Variants in CWF19L2 observed in about 807,000 individuals in gnomAD.
CWF19L2 encodes CWF19 like cell cycle control factor 2.
A neutral mutation model predicts 111.7 loss-of-function variants in CWF19L2; 98 were observed. The ratio of observed to expected loss-of-function variants is 0.88; its 90% CI spans 0.75 to 1.04. The LOEUF (loss-of-function observed/expected upper bound fraction) is 1.04, where lower values mean the gene tolerates loss of function less well. Ranked by LOEUF, CWF19L2 falls within the 50% of genes least tolerant of loss-of-function variation. CWF19L2 has a pLI of 0.00. For synonymous variants in CWF19L2, 351 were observed against 342.9 expected (o/e 1.02, Z -0.26); for missense variants, 1,101 against 1,051.4 (o/e 1.05, Z -0.65).
In CWF19L2 at chr11:107,373,312, G is replaced by C. The variant is rs1212143177; in HGVS notation, c.1872+16762C>G. Among the ~76,000 whole-genome samples, 3 of 129,134 alleles carry C rather than the reference G, an allele frequency of 2.3e-5. No homozygotes were observed. The South Asian group carries it at 7.9e-4, about 34-fold the overall frequency. The allele number at this position is 129,134 out of a possible 152,430, so 84.7% of individuals were successfully genotyped here. ...CCTGCCTCTGTAGGCTCCACCTCTGGGGGCAGGGCACAGACAAACAAAAAG... is the reference window on the plus strand; with the variant it reads ...CCTGCCTCTGTAGGCTCCACCTCTGCGGGCAGGGCACAGACAAACAAAAAG... On this transcript the variant is annotated intron_variant, in intron 12 of 17. Coordinates refer to ENST00000282251, the MANE Select transcript of CWF19L2 (RefSeq NM_152434.3).
At chr11:107,402,025 C>G (rs1861007459) in intron 10 of CWF19L2, among the ~76,000 whole-genome samples, 1 of 152,026 alleles carries the variant, frequency 6.6e-6, no homozygotes, top group Admixed American at 6.5e-5. Flanking sequence ...AGCTGGCTAG[C>G]CACATGTAGG....
At chr11:107,329,053 G>A (rs898007956) in intron 17 of CWF19L2, among the ~76,000 whole-genome samples, 1 of 152,256 alleles carries the variant, frequency 6.6e-6, no homozygotes, top group Admixed American at 6.5e-5. Flanking sequence ...GGGGAGCAGG[G>A]TGGAGAACAG....
intron 1 of CWF19L2, 93 bp downstream of exon 1, chr11:107,457,619 G>T: frequency 1.1e-6 from 1 of 885,120 alleles, no homozygotes; most frequent in South Asian, 1.5e-5. Context: ...ATTCAGTACT[G>T]ACGAGGTAAG....
At chr11:107,410,250 T>C (rs1861137574) in intron 10 of CWF19L2, among the ~76,000 whole-genome samples, 1 of 152,080 alleles carries the variant, frequency 6.6e-6, no homozygotes, top group East Asian at 1.9e-4. Context: ...ATCTCCATAG[T>C]AGTAAACAAC....
At chr11:107,336,498 A>G in intron 15 of CWF19L2, 60 bp downstream of exon 15, 1 of 1,297,156 alleles carries the variant, frequency 7.7e-7, no homozygotes, top group Non-Finnish European at 1.1e-6. Flanking sequence ...AGACAACAAT[A>G]TTTGTAAAAT....
intron 7 of CWF19L2, among the ~76,000 whole-genome samples, chr11:107,431,648 A>G (rs1380104881): frequency 6.6e-6 from 1 of 152,144 alleles, no homozygotes; most frequent in East Asian, 1.9e-4. Flanking sequence ...GACTAACAAG[A>G]GATTTATCAC....
At chr11:107,448,451 T>C (rs1861732640) in intron 3 of CWF19L2, among the ~76,000 whole-genome samples, 1 of 147,546 alleles carries the variant, frequency 6.8e-6, no homozygotes, top group Non-Finnish European at 1.5e-5. Context: ...AGAAAGTAAG[T>C]GAACACAGGC....
rs1212730735 is a variant in CWF19L2 at position 107,439,104 on chromosome 11, G to A, written c.650C>T (p.Ser217Leu). 1.4e-6 allele frequency: 2 copies of A among 1,401,162 alleles called. No individual in the cohort carries two copies. The highest frequency in any genetic ancestry group is 1.8e-5 in the Admixed American group (1 of 56,118). 86.8% of individuals were successfully genotyped at this position (1,401,162 alleles called of 1,614,324 possible). A position where few individuals can be genotyped will look rare whatever the true frequency, so the allele number is the denominator to read the frequency against. Residue 217 changes from serine (S) to leucine (L), a missense_variant, in exon 6 of 18, where the codon TCA (serine) becomes TTA (leucine). Physicochemically the swap from Ser to Leu is moderately radical, Grantham distance 145. Coordinates refer to ENST00000282251, the MANE Select transcript of CWF19L2 (RefSeq NM_152434.3). ...TGLPPEDCSV[S>L]SITKVSVVED... ...TGTAGAAATACCTTTAGTAATCGAT[G>A]ACACACTACAGTCTTCAGGTGGAAG...
At chr11:107,451,695 A>C (rs1183286754) in intron 3 of CWF19L2, among the ~76,000 whole-genome samples, 2 of 152,158 alleles carry the variant, frequency 1.3e-5, no homozygotes, top group African/African-American at 2.4e-5. Context: ...TCTATGGAAT[A>C]AATTCCCAGA....
intron 8 of CWF19L2, among the ~76,000 whole-genome samples, chr11:107,425,291 A>C (rs1795326172): frequency 6.6e-6 from 1 of 151,870 alleles, no homozygotes; most frequent in Non-Finnish European, 1.5e-5. Context: ...ACCTGAAATT[A>C]GTCATGCATA....
chr11:107,398,906 A>T (rs894706635), intron 10 of CWF19L2, among the ~76,000 whole-genome samples: 50 of 152,330 alleles, frequency 3.3e-4, no homozygotes, highest in African/African-American at 1.2e-3. Context: ...AACATTTATC[A>T]GCCAAGAATT....
intron 10 of CWF19L2, among the ~76,000 whole-genome samples, chr11:107,412,304 C>T (rs1019254410): frequency 6.6e-6 from 1 of 152,198 alleles, no homozygotes; most frequent in African/African-American, 2.4e-5. Flanking sequence ...CACGATCCAG[C>T]AACCGCATTC....
chr11:107,397,505 C>T (rs1053588749), intron 10 of CWF19L2, among the ~76,000 whole-genome samples: 1 of 152,064 alleles, frequency 6.6e-6, no homozygotes, highest in Admixed American at 6.5e-5. Flanking sequence ...CCACAGCAGC[C>T]CCAGCAAGAC....
intron 10 of CWF19L2, chr11:107,403,820 C>T (rs556503105): frequency 3.3e-5 from 28 of 836,120 alleles, no homozygotes; most frequent in Admixed American, 5.3e-5. Context: ...ACCGCACAAC[C>T]TTTTAAGTTC....
chr11:107,359,818 G>A (rs762509203), intron 12 of CWF19L2, among the ~76,000 whole-genome samples: 4 of 151,964 alleles, frequency 2.6e-5, no homozygotes, highest in African/African-American at 7.2e-5. Context: ...ACGACTCACC[G>A]AACTTGAAGT....
intron 13 of CWF19L2, 83 bp downstream of exon 13, chr11:107,353,441 T>C: frequency 9.5e-7 from 1 of 1,051,372 alleles, no homozygotes; most frequent in South Asian, 1.5e-5. Context: ...ACAGACAAAA[T>C]AATAAACTTA....
chr11:107,345,906 G>T (rs1340551346), intron 14 of CWF19L2, among the ~76,000 whole-genome samples: 1 of 152,146 alleles, frequency 6.6e-6, no homozygotes, highest in Non-Finnish European at 1.5e-5. Context: ...GAGTTCCCAT[G>T]TTATGGAGAT....
At chr11:107,365,576 CAT>C (rs1455904106) in intron 12 of CWF19L2, among the ~76,000 whole-genome samples, 7 of 100,514 alleles carry the variant, frequency 7.0e-5, no homozygotes, top group African/African-American at 1.0e-4. Context: ...ACAAAAACCA[CAT>C]GATTCTCTCA....
At chr11:107,395,465 T>C (rs973550872) in intron 10 of CWF19L2, among the ~76,000 whole-genome samples, 6 of 152,244 alleles carry the variant, frequency 3.9e-5, no homozygotes, top group Non-Finnish European at 2.9e-5. Flanking sequence ...CTTTATTTCA[T>C]TTATCTTTAT....
Sources: allele counts gnomAD v4.1 joint callset (sites outside exome capture counted in the v4.1 genomes callset), GRCh38; gene constraint gnomAD v4.1.1; transcripts MANE v1.5; gene names NCBI Gene and HGNC (gene_info 2026-07-23, HGNC 2026-07-21).